TP63: variants seen among roughly 807,000 people sequenced by gnomAD.
TP63 encodes tumor protein 63.
A neutral mutation model predicts 82.8 loss-of-function variants in TP63; 17 were observed. That is an observed-to-expected ratio of 0.21 (90% CI 0.14 to 0.31). The LOEUF (loss-of-function observed/expected upper bound fraction) is 0.31, where lower values mean the gene tolerates loss of function less well. Ranked by LOEUF, TP63 falls within the 10% of genes least tolerant of loss-of-function variation. The probability of loss-of-function intolerance (pLI) is 1.00; values close to 1 mark genes in which losing one functional copy is unlikely to be tolerated. For missense variants in TP63, 648 were observed against 895.3 expected, an observed-to-expected ratio of 0.72 and a Z score of 3.52; for synonymous variants, 330 against 321.7, an observed-to-expected ratio of 1.03 and a Z score of -0.28.
At chr3:189,645,736 A>G (rs1008168034) in intron 1 of TP63, among the ~76,000 whole-genome samples, 2 of 145,880 alleles carry the variant, frequency 1.4e-5, no homozygotes, top group African/African-American at 2.6e-5. Flanking sequence ...ATTCCCACCT[A>G]TGAGTGAGAA....
At chr3:189,866,597 C>T (rs1040379034) in intron 5 of TP63, 85 bp from the exon 6 acceptor site, 1 of 1,255,910 alleles carries the variant, frequency 8.0e-7, no homozygotes, top group African/African-American at 1.5e-5. Flanking sequence ...TCTTTTGCCA[C>T]CAACATCCTG....
chr3:189,848,239 T>TCTCTCTCTCTCTCTCTC (rs372147574), intron 4 of TP63, among the ~76,000 whole-genome samples: 9 of 96,014 alleles, frequency 9.4e-5, no homozygotes, highest in African/African-American at 1.3e-4. Flanking sequence ...CTCCTCCTCC[T>TCTCTCTCTCTCTCTCTC]TCTCTCTCTC....
At chr3:189,762,749 T>C (rs1722671965) in intron 3 of TP63, among the ~76,000 whole-genome samples, 1 of 152,192 alleles carries the variant, frequency 6.6e-6, no homozygotes, top group South Asian at 2.1e-4. Context: ...GAGTATCTGC[T>C]AAGTTCAACA....
At chr3:189,624,003 A>G in the TP63 span, among the ~76,000 whole-genome samples, 1 of 152,224 alleles carries the variant, frequency 6.6e-6, no homozygotes, top group Non-Finnish European at 1.5e-5. Flanking sequence ...GCGCTTTAGC[A>G]CAAGTATGGA....
chr3:189,636,353 C>G (rs967708073), intron 1 of TP63, among the ~76,000 whole-genome samples: 5 of 152,104 alleles, frequency 3.3e-5, no homozygotes, highest in Admixed American at 2.0e-4. Context: ...ATCACTTAAG[C>G]TATCTAAATC....
intron 1 of TP63, among the ~76,000 whole-genome samples, chr3:189,730,189 A>G (rs1209857946): frequency 1.8e-4 from 27 of 152,200 alleles, no homozygotes; most frequent in Admixed American, 1.8e-3. Flanking sequence ...GGATACTTCC[A>G]GAGTCTTTGA....
At chr3:189,662,693 T>G (rs1327592897) in intron 1 of TP63, among the ~76,000 whole-genome samples, 4 of 152,028 alleles carry the variant, frequency 2.6e-5, no homozygotes, top group Non-Finnish European at 5.9e-5. Context: ...TTAAATAGGC[T>G]GATTGTTTAT....
intron 1 of TP63, among the ~76,000 whole-genome samples, chr3:189,684,662 C>A (rs773947097): frequency 1.4e-3 from 193 of 142,242 alleles, no homozygotes; most frequent in Middle Eastern, 3.9e-3. Flanking sequence ...ATGAATTTCA[C>A]TCTTGTTGCT....
intron 3 of TP63, among the ~76,000 whole-genome samples, chr3:189,750,602 A>T (rs895336953): frequency 2.6e-5 from 4 of 152,188 alleles, no homozygotes; most frequent in African/African-American, 9.7e-5. Flanking sequence ...CATGTAAAAT[A>T]TTATGTATCA....
chr3:189,805,962 G>A lies in TP63; in HGVS notation c.325-2310G>A, dbSNP rs146200523. On this transcript the variant is annotated intron_variant, in intron 3 of 13. Transcript: ENST00000264731. ...CATTTTCCTGCTACCCCCCTGGGGA[G>A]AGGGGCCTTCACCAAACCACCCTGG... 6.7e-3 allele frequency among the ~76,000 whole-genome samples: 1,016 copies of A among 151,612 alleles called. 15 individuals are homozygous for A. The highest frequency in any genetic ancestry group is 0.044 in the South Asian group (210 of 4,792).
At chr3:189,784,568 C>T (rs914685348) in intron 3 of TP63, among the ~76,000 whole-genome samples, 2 of 151,994 alleles carry the variant, frequency 1.3e-5, no homozygotes, top group African/African-American at 4.8e-5. Flanking sequence ...CTTTGAGTAC[C>T]TTAACCATAA....
intron 1 of TP63, among the ~76,000 whole-genome samples, chr3:189,692,216 G>C (rs1021421112): frequency 6.6e-6 from 1 of 152,096 alleles, no homozygotes; most frequent in East Asian, 1.9e-4. Flanking sequence ...ATATGGACTT[G>C]ACATTCACTT....
At chr3:189,753,231 GA>G (rs1195025577) in intron 3 of TP63, among the ~76,000 whole-genome samples, 1 of 152,036 alleles carries the variant, frequency 6.6e-6, no homozygotes. Flanking sequence ...TAATTGCTGA[GA>G]AAAGAGGGTT....
intron 4 of TP63, 25 bp downstream of exon 4, chr3:189,808,551 C>T (rs1178633273): frequency 2.2e-5 from 35 of 1,611,890 alleles, no homozygotes; most frequent in Non-Finnish European, 2.7e-5. Flanking sequence ...CACGCACATA[C>T]CTGACCCCCC....
At chr3:189,636,756 T>C (rs1437708080) in intron 1 of TP63, among the ~76,000 whole-genome samples, 1 of 152,146 alleles carries the variant, frequency 6.6e-6, no homozygotes, top group African/African-American at 2.4e-5. Flanking sequence ...GGTGAATCAG[T>C]GAGTGATGGT....
At chr3:189,617,973 T>G in the TP63 span, among the ~76,000 whole-genome samples, 1 of 152,208 alleles carries the variant, frequency 6.6e-6, no homozygotes, top group African/African-American at 2.4e-5. Flanking sequence ...GGTCCCTGGA[T>G]AGCAACATTA....
chr3:189,610,893 T>C, the TP63 span, among the ~76,000 whole-genome samples: 1 of 152,134 alleles, frequency 6.6e-6, no homozygotes, highest in Non-Finnish European at 1.5e-5. Flanking sequence ...ATTAACATCT[T>C]ACATGAATGG....
At chr3:189,707,984 C>T (rs1560124958) in intron 1 of TP63, among the ~76,000 whole-genome samples, 3 of 152,158 alleles carry the variant, frequency 2.0e-5, no homozygotes, top group South Asian at 4.1e-4. Context: ...AATACTTGTT[C>T]ATATTACATG....
At chr3:189,844,992 T>C (rs1187512373) in intron 4 of TP63, among the ~76,000 whole-genome samples, 4 of 152,206 alleles carry the variant, frequency 2.6e-5, no homozygotes, top group African/African-American at 9.6e-5. Flanking sequence ...TAATTATTGA[T>C]TTCATCACCC....
Sources: allele counts gnomAD v4.1 joint callset (sites outside exome capture counted in the v4.1 genomes callset), GRCh38; gene constraint gnomAD v4.1.1; transcripts MANE v1.5; gene names NCBI Gene and HGNC (gene_info 2026-07-23, HGNC 2026-07-21).